The following GMDS variants were observed in gnomAD, a reference collection of about 807,000 sequenced individuals.
The protein encoded by GMDS is GDP-mannose 4,6-dehydratase.
A neutral mutation model predicts 49.9 loss-of-function variants in GMDS; 20 were observed. The observed-to-expected ratio is 0.40, with a 90% CI of 0.28 to 0.58. The LOEUF is 0.58. Among genes scored for constraint, GMDS ranks in the 20% least tolerant of loss-of-function variants. The pLI is 0.42. For missense variants in GMDS, 362 were observed against 481.4 expected, an observed-to-expected ratio of 0.75 and a Z score of 2.32; for synonymous variants, 177 against 178.6, an observed-to-expected ratio of 0.99 and a Z score of 0.07.
At chr6:1,737,207 C>T (rs1767028706) in intron 8 of GMDS, among the ~76,000 whole-genome samples, 1 of 152,206 alleles carries the variant, frequency 6.6e-6, no homozygotes, top group Non-Finnish European at 1.5e-5. Flanking sequence ...ATAACACTTT[C>T]CATGTCTGAA....
At chr6:1,768,905 C>T (rs1477821879) in intron 7 of GMDS, among the ~76,000 whole-genome samples, 1 of 152,098 alleles carries the variant, frequency 6.6e-6, no homozygotes, top group Non-Finnish European at 1.5e-5. Context: ...GCTTATATTT[C>T]TCATTTTTTG....
intron 4 of GMDS, among the ~76,000 whole-genome samples, chr6:2,055,936 A>C (rs1303124241): frequency 1.3e-5 from 2 of 152,122 alleles, no homozygotes; most frequent in South Asian, 2.1e-4. Flanking sequence ...CATCATTGTA[A>C]TTTTTCAGTT....
At chr6:2,234,789 CA>C (rs1392490153) in intron 1 of GMDS, among the ~76,000 whole-genome samples, 2 of 151,772 alleles carry the variant, frequency 1.3e-5, no homozygotes, top group Admixed American at 1.3e-4. Flanking sequence ...AATTTTAAAG[CA>C]AAAAAAGAGA....
At chr6:2,184,425 C>T (rs1193003528) in intron 1 of GMDS, among the ~76,000 whole-genome samples, 1 of 152,176 alleles carries the variant, frequency 6.6e-6, no homozygotes, top group Non-Finnish European at 1.5e-5. Context: ...TTCTCTTCCT[C>T]ATTATACTCC....
At chr6:1,764,653 G>A (rs543319104) in intron 7 of GMDS, among the ~76,000 whole-genome samples, 3 of 152,260 alleles carry the variant, frequency 2.0e-5, no homozygotes, top group East Asian at 3.9e-4. Flanking sequence ...CGTAACGATC[G>A]TCAAGATATG....
intron 7 of GMDS, among the ~76,000 whole-genome samples, chr6:1,755,486 G>A (rs1488947681): frequency 6.6e-6 from 1 of 152,110 alleles, no homozygotes. Context: ...TCCCCATCAA[G>A]CTGCCACTGA....
At chr6:1,737,737 CACAT>C (rs1450179545) in intron 8 of GMDS, among the ~76,000 whole-genome samples, 12 of 124,288 alleles carry the variant, frequency 9.7e-5, no homozygotes, top group African/African-American at 1.9e-4. Flanking sequence ...AACACACACA[CACAT>C]ACACATACAC....
intron 9 of GMDS, 171 bp from the exon 10 acceptor site, chr6:1,624,711 A>C (rs1762792409): frequency 1.6e-6 from 1 of 610,136 alleles, no homozygotes; most frequent in Admixed American, 2.9e-5. Context: ...CGGCGCCGTA[A>C]ATCACTAGGT....
intron 9 of GMDS, among the ~76,000 whole-genome samples, chr6:1,704,728 G>T (rs1321008361): frequency 6.6e-6 from 1 of 152,184 alleles, no homozygotes; most frequent in Non-Finnish European, 1.5e-5. Flanking sequence ...TTTCATGTGT[G>T]AGAAGAGAAA....
intron 9 of GMDS, among the ~76,000 whole-genome samples, chr6:1,687,912 A>G (rs1581460306): frequency 6.6e-6 from 1 of 152,146 alleles, no homozygotes; most frequent in Admixed American, 6.5e-5. Context: ...AAGCTGCGGG[A>G]AGGACCTGGA....
intron 8 of GMDS, among the ~76,000 whole-genome samples, chr6:1,737,985 C>T (rs1041619181): frequency 7.0e-6 from 1 of 143,338 alleles, no homozygotes; most frequent in Non-Finnish European, 1.5e-5. Context: ...TACACACACA[C>T]CACAAACACA....
chr6:2,188,412 A>G (rs1343882112), intron 1 of GMDS, among the ~76,000 whole-genome samples: 1 of 152,222 alleles, frequency 6.6e-6, no homozygotes, highest in African/African-American at 2.4e-5. Context: ...GTCTGAAACT[A>G]TCATATGCTG....
At chr6:1,678,432 C>T (rs1204255677) in intron 9 of GMDS, among the ~76,000 whole-genome samples, 1 of 152,116 alleles carries the variant, frequency 6.6e-6, no homozygotes, top group African/African-American at 2.4e-5. Context: ...CAGCCTGGTT[C>T]CCTGGTGACC....
At position 1,682,760 on chromosome 6, in the gene GMDS, G is replaced by A. The variant is rs1242685768; in HGVS notation, c.987+43656C>T. On this transcript the variant is annotated intron_variant, in intron 9 of 10. Transcript: ENST00000380815. ...AATTTTTTGTATTTTTAGTAGAGAC[G>A]GGGTTTCACCGTTTTAGCCGGGATG... 2.1e-3 allele frequency among the ~76,000 whole-genome samples: 19 copies of A among 9,252 alleles called. 6 individuals are homozygous for A. The highest frequency in any genetic ancestry group is 5.9e-3 in the Admixed American group (11 of 1,880). The allele number at this position is 9,252 out of a possible 152,430, so 6.1% of individuals were successfully genotyped here.
chr6:2,144,813 C>T (rs1447538837), intron 1 of GMDS, among the ~76,000 whole-genome samples: 1 of 152,212 alleles, frequency 6.6e-6, no homozygotes, highest in Non-Finnish European at 1.5e-5. Flanking sequence ...GCTACATCCC[C>T]AGCATAGTGA....
intron 4 of GMDS, among the ~76,000 whole-genome samples, chr6:1,978,434 T>A (rs12202512): frequency 0.39 from 59,819 of 152,066 alleles, 11,876 homozygotes; most frequent in Middle Eastern, 0.45. Flanking sequence ...TGGAGAGTCC[T>A]AGCCGACTGA....
chr6:1,674,426 C>T (rs1204650189), intron 9 of GMDS, among the ~76,000 whole-genome samples: 1 of 152,054 alleles, frequency 6.6e-6, no homozygotes, highest in Non-Finnish European at 1.5e-5. Context: ...CCTTTACTGA[C>T]TATGTGTATT....
intron 9 of GMDS, among the ~76,000 whole-genome samples, chr6:1,663,658 G>A (rs866757887): frequency 5.9e-5 from 9 of 152,202 alleles, no homozygotes; most frequent in Middle Eastern, 3.4e-3. Flanking sequence ...CAGGAATACT[G>A]GCCCCACTGC....
intron 7 of GMDS, among the ~76,000 whole-genome samples, chr6:1,830,471 C>G (rs1230043640): frequency 1.3e-5 from 2 of 152,150 alleles, no homozygotes; most frequent in Non-Finnish European, 2.9e-5. Context: ...GTGTATTCAG[C>G]TTTGTATTAC....
Sources: gnomAD v4.1 joint callset for allele counts (sites outside exome capture counted in the v4.1 genomes callset) on GRCh38, gnomAD v4.1.1 for gene constraint, MANE v1.5 for transcripts, NCBI Gene and HGNC (gene_info 2026-07-23, HGNC 2026-07-21) for gene names.